Variants in GRIK1 observed in about 807,000 individuals in gnomAD.
GRIK1 encodes the protein glutamate receptor ionotropic, kainate 1.
In GRIK1, 69 loss-of-function variants were observed where a neutral mutation model predicts 105.7. The ratio of observed to expected loss-of-function variants is 0.65; its 90% CI spans 0.54 to 0.80. The LOEUF is 0.80. Among genes scored for constraint, GRIK1 ranks in the 30% least tolerant of loss-of-function variants. GRIK1 has a pLI of 0.00. For missense variants in GRIK1, 1,109 were observed against 1,167.3 expected, an observed-to-expected ratio of 0.95 and a Z score of 0.73; for synonymous variants, 438 against 431.3, an observed-to-expected ratio of 1.02 and a Z score of -0.19.
intron 1 of GRIK1, among the ~76,000 whole-genome samples, chr21:29,774,049 G>A (rs1329543234): frequency 6.6e-6 from 1 of 152,034 alleles, no homozygotes; most frequent in Admixed American, 6.6e-5. Flanking sequence ...TCTGCTACTC[G>A]GTGGATTTAT....
intron 1 of GRIK1, among the ~76,000 whole-genome samples, chr21:29,704,137 A>C (rs1335910390): frequency 2.6e-5 from 4 of 152,196 alleles, no homozygotes; most frequent in Non-Finnish European, 5.9e-5. Context: ...TTTAACTCAT[A>C]AAACATTATT....
chr21:29,775,594 A>G (rs2065923310), intron 1 of GRIK1, among the ~76,000 whole-genome samples: 1 of 152,134 alleles, frequency 6.6e-6, no homozygotes, highest in Non-Finnish European at 1.5e-5. Flanking sequence ...CAAACCAGAA[A>G]GGAAAAAAAG....
chr21:29,575,518 G>A (rs2090869499), intron 14 of GRIK1, among the ~76,000 whole-genome samples: 1 of 151,832 alleles, frequency 6.6e-6, no homozygotes, highest in East Asian at 1.9e-4. Flanking sequence ...GGAAATAATA[G>A]AAAGGAAAAG....
chr21:29,832,978 G>A (rs1185954591), intron 1 of GRIK1, among the ~76,000 whole-genome samples: 1 of 152,124 alleles, frequency 6.6e-6, no homozygotes, highest in East Asian at 1.9e-4. Context: ...GTTGCTAGAA[G>A]CAGCCAGGTC....
At chr21:29,586,341 T>C (rs1333185262) in intron 12 of GRIK1, among the ~76,000 whole-genome samples, 1 of 152,192 alleles carries the variant, frequency 6.6e-6, no homozygotes, top group African/African-American at 2.4e-5. Context: ...CTTTAAAACC[T>C]TTCCAGCCTG....
intron 16 of GRIK1, among the ~76,000 whole-genome samples, chr21:29,538,662 A>G (rs2089920977): frequency 6.6e-6 from 1 of 152,164 alleles, no homozygotes; most frequent in Admixed American, 6.5e-5. Flanking sequence ...AGCACACAAA[A>G]TGGATATGGT....
chr21:29,768,532 C>T (rs918334446), intron 1 of GRIK1, among the ~76,000 whole-genome samples: 5 of 152,108 alleles, frequency 3.3e-5, no homozygotes, highest in African/African-American at 7.2e-5. Context: ...AACTGTCCAC[C>T]CAGGGCACAA....
At chr21:29,865,400 T>A (rs771762171) in intron 1 of GRIK1, among the ~76,000 whole-genome samples, 10 of 152,236 alleles carry the variant, frequency 6.6e-5, no homozygotes, top group Non-Finnish European at 1.5e-4. Flanking sequence ...TCTGACCTTT[T>A]AAAAATGAAA....
chr21:29,774,798 TG>T (rs1368272772), intron 1 of GRIK1, among the ~76,000 whole-genome samples: 1 of 152,170 alleles, frequency 6.6e-6, no homozygotes, highest in Non-Finnish European at 1.5e-5. Flanking sequence ...CTGATCTGGC[TG>T]GCTTTATGGA....
intron 13 of GRIK1, among the ~76,000 whole-genome samples, chr21:29,578,912 CAATT>C (rs886867288): frequency 1.1e-3 from 167 of 151,028 alleles, no homozygotes; most frequent in African/African-American, 4.0e-3. Context: ...AAATAAATAA[CAATT>C]AATAGATATA....
intron 1 of GRIK1, among the ~76,000 whole-genome samples, chr21:29,773,004 TTAA>T (rs1237530381): frequency 6.6e-6 from 1 of 152,170 alleles, no homozygotes; most frequent in African/African-American, 2.4e-5. Context: ...ACAAATGCTG[TTAA>T]TGATGATGAT....
At chr21:29,685,936 C>T (rs968494533) in intron 3 of GRIK1, among the ~76,000 whole-genome samples, 15 of 152,272 alleles carry the variant, frequency 9.9e-5, no homozygotes, top group Admixed American at 9.2e-4. Context: ...TCTCTTTTCC[C>T]TTGAAGACTC....
At chr21:29,854,385 A>G (rs893062268) in intron 1 of GRIK1, among the ~76,000 whole-genome samples, 1 of 152,134 alleles carries the variant, frequency 6.6e-6, no homozygotes, top group Non-Finnish European at 1.5e-5. Context: ...AGACTTCAAC[A>G]TGAGATTTGG....
intron 1 of GRIK1, among the ~76,000 whole-genome samples, chr21:29,868,676 C>G (rs567887006): frequency 6.6e-6 from 1 of 152,224 alleles, no homozygotes; most frequent in African/African-American, 2.4e-5. Context: ...CTCATCTTCG[C>G]CTGTCTTTCT....
At chr21:29,568,373 T>G (rs1353567444) in intron 14 of GRIK1, among the ~76,000 whole-genome samples, 1 of 152,188 alleles carries the variant, frequency 6.6e-6, no homozygotes, top group Non-Finnish European at 1.5e-5. Flanking sequence ...GGCTCATTGC[T>G]TCATTTCCAC....
At chr21:29,812,525 T>A (rs145470954) in intron 1 of GRIK1, among the ~76,000 whole-genome samples, 10 of 152,296 alleles carry the variant, frequency 6.6e-5, no homozygotes, top group Middle Eastern at 3.4e-3. Context: ...GATAGCTACA[T>A]GTTCTAACAT....
At chr21:29,862,525 T>C (rs1214986686) in intron 1 of GRIK1, among the ~76,000 whole-genome samples, 1 of 152,178 alleles carries the variant, frequency 6.6e-6, no homozygotes, top group South Asian at 2.1e-4. Flanking sequence ...AAGATCAAAA[T>C]CCAGGGTATC....
At chr21:29,604,068 C>T (rs934991619) in intron 7 of GRIK1, among the ~76,000 whole-genome samples, 1 of 152,110 alleles carries the variant, frequency 6.6e-6, no homozygotes, top group Non-Finnish European at 1.5e-5. Context: ...TGGCTTATAG[C>T]GGGGTCTTAA....
At chr21:29,780,887 C>T (rs2066078850) in intron 1 of GRIK1, among the ~76,000 whole-genome samples, 1 of 152,096 alleles carries the variant, frequency 6.6e-6, no homozygotes, top group African/African-American at 2.4e-5. Flanking sequence ...AAAGACATGT[C>T]AGGAGAGCAA....
Sources: gnomAD v4.1 joint callset for allele counts (sites outside exome capture counted in the v4.1 genomes callset) on GRCh38, gnomAD v4.1.1 for gene constraint, MANE v1.5 for transcripts, NCBI Gene and HGNC (gene_info 2026-07-23, HGNC 2026-07-21) for gene names.